The following DMD variants were observed in gnomAD, a reference collection of about 807,000 sequenced individuals.
The protein encoded by DMD is dystrophin.
DMD carries 63 observed loss-of-function variants against 330.1 expected under a neutral mutation model. That is an observed-to-expected ratio of 0.19 (90% confidence interval 0.16 to 0.24). The LOEUF is 0.24. DMD is among the 10% of genes least tolerant of loss of function. The probability of loss-of-function intolerance (pLI) is 1.00; values close to 1 mark genes in which losing one functional copy is unlikely to be tolerated. For missense variants in DMD, 3,344 were observed against 2,684.1 expected (o/e 1.25, Z -5.43); for synonymous variants, 1,223 against 959.8 (o/e 1.27, Z -5.07).
At chrX:32,749,634 T>C (rs928752488) in intron 7 of DMD, among the ~76,000 whole-genome samples, 7 of 112,704 alleles carry the variant, frequency 6.2e-5, no homozygotes, top group Admixed American at 9.4e-5. Context: ...ATATTTCAAG[T>C]TCTTAACACG....
At chrX:32,053,337 A>C (rs1449971568) in intron 44 of DMD, among the ~76,000 whole-genome samples, 1 of 102,283 alleles carries the variant, frequency 9.8e-6, no homozygotes, top group African/African-American at 3.8e-5. Context: ...TTATCTCGTA[A>C]AGTATGCTGA....
At chrX:32,339,870 T>C (rs2097732719) in intron 41 of DMD, among the ~76,000 whole-genome samples, 2 of 111,444 alleles carry the variant, frequency 1.8e-5, no homozygotes, top group South Asian at 7.5e-4. Flanking sequence ...AATCAAACAA[T>C]TAGAGAAGGA....
intron 50 of DMD, among the ~76,000 whole-genome samples, chrX:31,793,250 G>C (rs2091663603): frequency 9.0e-6 from 1 of 110,752 alleles, no homozygotes. Flanking sequence ...ATTCGAGCAG[G>C]AAAACTGGGA....
At chrX:33,249,131 A>G (rs1603425172) in intron 1 of DMD, among the ~76,000 whole-genome samples, 1 of 112,316 alleles carries the variant, frequency 8.9e-6, no homozygotes, top group East Asian at 2.8e-4. Flanking sequence ...ACCCTTTATT[A>G]TCGCTCAAAT....
intron 29 of DMD, among the ~76,000 whole-genome samples, chrX:32,422,687 G>T: frequency 9.0e-6 from 1 of 111,511 alleles, no homozygotes; most frequent in East Asian, 2.8e-4. Flanking sequence ...TGATGAACTT[G>T]AAAAATATTT....
In DMD at chrX:32,346,097, A is replaced by C. The variant is rs752297634; in HGVS notation, c.5449-17T>G. The C allele has an allele frequency of 8.3e-7, 1 of 1,208,276 alleles. No homozygotes were observed. The highest frequency in any genetic ancestry group is 2.2e-5 in the Admixed American group (1 of 45,837). The stretch of plus-strand genomic sequence containing the variant: ...GTCTTCATTCTGATCAAAAACAACA[A>C]GTACAGTCTTCATTTTGGTTTTTAA... On this transcript the variant is annotated splice_polypyrimidine_tract_variant and intron_variant, in intron 38 of 78. Coordinates refer to ENST00000357033, the MANE Select transcript of DMD (RefSeq NM_004006.3).
chrX:32,139,116 A>T (rs1336024292), intron 44 of DMD, among the ~76,000 whole-genome samples: 1 of 112,492 alleles, frequency 8.9e-6, no homozygotes, highest in East Asian at 2.8e-4. Flanking sequence ...TGGAAAATTA[A>T]GTAGCAAAGG....
intron 30 of DMD, among the ~76,000 whole-genome samples, chrX:32,399,304 T>C (rs1299166505): frequency 9.0e-6 from 1 of 111,319 alleles, no homozygotes; most frequent in African/African-American, 3.3e-5. Flanking sequence ...AGACAACCCA[T>C]GGAATGGGAG....
chrX:32,776,290 C>T (rs964357002), intron 7 of DMD, among the ~76,000 whole-genome samples: 1 of 108,952 alleles, frequency 9.2e-6, no homozygotes, highest in African/African-American at 3.3e-5. Context: ...TGACCCCCCC[C>T]CCAAATTGTT....
chrX:31,853,024 C>T (rs993936815), intron 48 of DMD, among the ~76,000 whole-genome samples: 1 of 112,270 alleles, frequency 8.9e-6, no homozygotes, highest in African/African-American at 3.2e-5. Flanking sequence ...GCTGAGATTA[C>T]AGGCATGCAC....
At chrX:32,403,327 G>A (rs1183396954) in intron 30 of DMD, among the ~76,000 whole-genome samples, 5 of 111,378 alleles carry the variant, frequency 4.5e-5, no homozygotes, top group Non-Finnish European at 9.4e-5. Context: ...GTTCACTGTG[G>A]CTGTAGCGTG....
intron 1 of DMD, among the ~76,000 whole-genome samples, chrX:33,259,162 TAG>T (rs1463822575): frequency 9.0e-6 from 1 of 110,899 alleles, no homozygotes; most frequent in Non-Finnish European, 1.9e-5. Context: ...TTTTTAAAAA[TAG>T]ACTTTGTTTT....
chrX:31,342,008 G>GTTCCA (rs1189651861), intron 61 of DMD, among the ~76,000 whole-genome samples: 4 of 110,707 alleles, frequency 3.6e-5, no homozygotes, highest in South Asian at 3.9e-4. Flanking sequence ...TTTCTAATCT[G>GTTCCA]TTCCATTCCA....
At chrX:32,674,718 G>A (rs1312023805) in intron 9 of DMD, among the ~76,000 whole-genome samples, 2 of 111,090 alleles carry the variant, frequency 1.8e-5, no homozygotes, top group Non-Finnish European at 3.8e-5. Flanking sequence ...ACATTTAGCT[G>A]TAAACAAGGG....
At chrX:31,757,720 T>G (rs1490903047) in intron 51 of DMD, among the ~76,000 whole-genome samples, 1 of 109,567 alleles carries the variant, frequency 9.1e-6, no homozygotes, top group Non-Finnish European at 1.9e-5. Context: ...AACCCCCACC[T>G]TCTAATACCA....
intron 7 of DMD, among the ~76,000 whole-genome samples, chrX:32,763,940 G>C (rs774653967): frequency 9.9e-5 from 11 of 111,195 alleles, no homozygotes; most frequent in African/African-American, 3.6e-4. Flanking sequence ...TAAATAATGA[G>C]TATTACCCGC....
At chrX:32,843,440 C>G (rs1357686903) in intron 4 of DMD, among the ~76,000 whole-genome samples, 1 of 111,625 alleles carries the variant, frequency 9.0e-6, no homozygotes, top group Non-Finnish European at 1.9e-5. Context: ...TAATTTCTTC[C>G]TAAGACAAAC....
chrX:31,959,487 G>T (rs2095279212), intron 45 of DMD, among the ~76,000 whole-genome samples: 1 of 111,716 alleles, frequency 9.0e-6, no homozygotes, highest in Non-Finnish European at 1.9e-5. Context: ...ATTTTTCTTA[G>T]AATATACAAG....
At chrX:31,809,307 G>C (rs1006004717) in intron 50 of DMD, among the ~76,000 whole-genome samples, 1 of 107,383 alleles carries the variant, frequency 9.3e-6, no homozygotes, top group African/African-American at 3.4e-5. Context: ...ACTATATACA[G>C]TTATATGTCT....
Sources: allele counts gnomAD v4.1 joint callset (sites outside exome capture counted in the v4.1 genomes callset), GRCh38; gene constraint gnomAD v4.1.1; transcripts MANE v1.5; gene names NCBI Gene and HGNC (gene_info 2026-07-23, HGNC 2026-07-21).